DPY19L4: variants seen among roughly 807,000 people sequenced by gnomAD.
DPY19L4 encodes dpy-19 like 4, also known as probable C-mannosyltransferase DPY19L4.
Under a neutral mutation model 102.8 loss-of-function variants are expected in DPY19L4, and 97 were observed. That is an observed-to-expected ratio of 0.94 (90% CI 0.80 to 1.12). DPY19L4 has a LOEUF of 1.12. DPY19L4 is among the 50% of genes most tolerant of loss of function. The pLI is 0.00. For synonymous variants in DPY19L4, 252 were observed against 283.1 expected (o/e 0.89, Z 1.10); for missense variants, 815 against 850.4 (o/e 0.96, Z 0.52).
Position 94,756,051 on chromosome 8 carries a change from A to T in DPY19L4, c.627A>T (p.Arg209Ser), listed in dbSNP as rs1563593961. 3 of 1,612,028 alleles carry T rather than the reference A, an allele frequency of 1.9e-6. No homozygotes were observed. The highest frequency in any genetic ancestry group is 2.5e-6 in the Non-Finnish European group (3 of 1,179,706). Residue 209 changes from arginine (R) to serine (S), a missense_variant, in exon 7 of 19, where the codon AGA becomes AGT. Physicochemically the swap from Arg to Ser is moderately radical, Grantham distance 110. Transcript: ENST00000414645. ...WFVINRVDTT[R>S]IEYSIPLREN... ...TTTATTTTAGGGTAGATACAACAAG[A>T]ATTGAATACTCCATTCCTTTAAGAG...
intron 6 of DPY19L4, among the ~76,000 whole-genome samples, chr8:94,745,892 C>T (rs1052156208): frequency 6.6e-5 from 10 of 151,202 alleles, no homozygotes; most frequent in Admixed American, 4.6e-4. Flanking sequence ...GTAGCTGGGA[C>T]TACAGGCATG....
chr8:94,732,013 C>G (rs780675523), intron 2 of DPY19L4, among the ~76,000 whole-genome samples: 2 of 152,046 alleles, frequency 1.3e-5, no homozygotes, highest in Non-Finnish European at 2.9e-5. Context: ...TCTCGTGATC[C>G]GCCTGCCTCG....
chr8:94,738,403 G>GTAA lies in DPY19L4; in HGVS notation c.288_289insAAT (p.Ser96_Ala97insAsn). 1.9e-6 allele frequency: 3 copies of GTAA among 1,556,310 alleles called. No homozygotes were observed. Among genetic ancestry groups the GTAA allele is most frequent in the Non-Finnish European group, 2.6e-6 (3 of 1,153,348 alleles). On this transcript the variant is annotated inframe_insertion, in exon 4 of 19. Transcript: ENST00000414645. Reference sequence around the variant, plus strand: ...CGGGAAATCACGTTTCAGGGTGACAGTGCCATTTATTACTCCTATTATAAA... The same window carrying GTAA: ...CGGGAAATCACGTTTCAGGGTGACAGTAATGCCATTTATTACTCCTATTATAAA...
chr8:94,768,671 C>A, intron 12 of DPY19L4, 118 bp downstream of exon 12: 1 of 692,594 alleles, frequency 1.4e-6, no homozygotes, highest in Non-Finnish European at 2.1e-6. Context: ...TATTTCCATT[C>A]TCTTTTCATT....
intron 2 of DPY19L4, among the ~76,000 whole-genome samples, chr8:94,732,819 T>TTC (rs898950705): frequency 6.7e-6 from 1 of 148,792 alleles, no homozygotes; most frequent in Admixed American, 6.7e-5. Flanking sequence ...TTCTTTTTTT[T>TTC]TTTTTTTTTG....
intron 2 of DPY19L4, 34 bp downstream of exon 2, chr8:94,726,475 C>CA (rs760205503): frequency 1.5e-5 from 22 of 1,515,790 alleles, no homozygotes; most frequent in African/African-American, 1.4e-4. Context: ...TGTGCTACTA[C>CA]AAAAATAGTT....
At position 94,770,418 on chromosome 8, in the gene DPY19L4, T is replaced by C. The variant is rs963673416; in HGVS notation, c.1335-34T>C. 12 of 1,571,904 alleles carry C rather than the reference T, an allele frequency of 7.6e-6. No individual in the cohort carries two copies. The African/African-American group carries it at 1.5e-4, about 20-fold the overall frequency. The stretch of plus-strand genomic sequence containing the variant: ...TCTTTGGTTTTTTACAAATACATTT[T>C]CAAAGTATTAAAAAATACATTTTCT... On this transcript the variant is annotated intron_variant, in intron 12 of 18. Coordinates refer to ENST00000414645, the MANE Select transcript of DPY19L4 (RefSeq NM_181787.3).
rs1230345215 is a variant in DPY19L4, at chr8:94,793,542, ATTC to A, written c.*3638_*3640del. 1.3e-5 allele frequency: 2 copies of A among 152,190 alleles called. No individual in the cohort carries two copies. The highest frequency in any genetic ancestry group is 4.8e-5 in the African/African-American group (2 of 41,456). 9.4% of individuals were successfully genotyped at this position (152,190 alleles called of 1,614,324 possible). A position where few individuals can be genotyped will look rare whatever the true frequency, so the allele number is the denominator to read the frequency against. On this transcript the variant is annotated 3_prime_UTR_variant, in exon 19 of 19. Transcript: ENST00000414645. ...TACTTCCTGATTTACATCTCAATAT[ATTC>A]TTCTTTCATTTGCCCAATTTAAAAA...
At chr8:94,729,407 T>C (rs1357302313) in intron 2 of DPY19L4, among the ~76,000 whole-genome samples, 1 of 144,776 alleles carries the variant, frequency 6.9e-6, no homozygotes, top group Non-Finnish European at 1.5e-5. Flanking sequence ...ACTTAGGCAA[T>C]ATAGTGAGAC....
chr8:94,766,236 GT>G lies in DPY19L4; in HGVS notation c.1102-375del, dbSNP rs549871940. ...TAAAAATACAAAAAATTAGCTGGGC[GT>G]GGTGGCTTGCGCCTGTAATCCCAGC... On this transcript the variant is annotated intron_variant, in intron 10 of 18. Coordinates refer to ENST00000414645, the MANE Select transcript of DPY19L4 (RefSeq NM_181787.3). 9.7e-4 allele frequency among the ~76,000 whole-genome samples: 148 copies of G among 152,290 alleles called. 2 individuals are homozygous for G. Among genetic ancestry groups the G allele is most frequent in the South Asian group, 8.3e-4 (4 of 4,830 alleles).
At chr8:94,785,510 TGAAACTA>T (rs1394065078) in intron 17 of DPY19L4, among the ~76,000 whole-genome samples, 4 of 152,184 alleles carry the variant, frequency 2.6e-5, no homozygotes, top group Non-Finnish European at 5.9e-5. Context: ...TGTATAGTCT[TGAAACTA>T]GGAAAGAAAA....
intron 6 of DPY19L4, among the ~76,000 whole-genome samples, chr8:94,752,044 A>G (rs1197990248): frequency 1.3e-5 from 2 of 152,086 alleles, no homozygotes; most frequent in Admixed American, 1.3e-4. Context: ...TTGTGGGGAC[A>G]TATGCTTTCA....
rs562310709 is a variant in DPY19L4, at chr8:94,724,616, G to T, written c.17-1715G>T. ...TGTTTCGTTTTGTTTTTGAGACGGA[G>T]TCTCCCTCTGTCACCAGGCTAGAGT... On this transcript the variant is annotated intron_variant, in intron 1 of 18. Transcript: ENST00000414645. Among the ~76,000 whole-genome samples the T allele has an allele frequency of 7.9e-5, 12 of 152,114 alleles. 1 individual carries two copies. The South Asian group carries it at 2.5e-3, about 32-fold the overall frequency.
At position 94,772,362 on chromosome 8, in the gene DPY19L4, G is replaced by C. The variant is rs930986528; in HGVS notation, c.1454+1791G>C. On this transcript the variant is annotated intron_variant, in intron 13 of 18. Transcript: ENST00000414645. ...TGAGAGTCCCCCAAACTACCCTCAG[G>C]CTTGATAACTAACAAGGACTCACAG... Among the ~76,000 whole-genome samples, 3 of 152,264 alleles carry C rather than the reference G, an allele frequency of 2.0e-5. No homozygotes were observed. The East Asian group carries it at 5.8e-4, about 29-fold the overall frequency.
Position 94,789,932 on chromosome 8 carries a change from C to T in DPY19L4, c.*22C>T. On this transcript the variant is annotated 3_prime_UTR_variant, in exon 19 of 19. Coordinates refer to ENST00000414645, the MANE Select transcript of DPY19L4 (RefSeq NM_181787.3). ...TTGAAAAATAACAGAGCCTTCATTT[C>T]AAAGACTACCTGAAGTAAAATGCAG... 6.3e-7 allele frequency: 1 copy of T among 1,579,464 alleles called. No individual in the cohort carries two copies. The highest frequency in any genetic ancestry group is 8.6e-7 in the Non-Finnish European group (1 of 1,169,460).
intron 2 of DPY19L4, among the ~76,000 whole-genome samples, chr8:94,732,265 C>T (rs942517949): frequency 8.6e-5 from 13 of 151,958 alleles, no homozygotes; most frequent in African/African-American, 2.9e-4. Context: ...GTCAGTCATT[C>T]GGTAACAGAA....
intron 7 of DPY19L4, among the ~76,000 whole-genome samples, chr8:94,757,880 G>A (rs1293109534): frequency 6.6e-6 from 1 of 152,110 alleles, no homozygotes; most frequent in East Asian, 1.9e-4. Flanking sequence ...GGAGGCTGAG[G>A]CAGGCAAATC....
intron 1 of DPY19L4, among the ~76,000 whole-genome samples, chr8:94,725,471 T>C (rs1810646164): frequency 6.6e-6 from 1 of 152,154 alleles, no homozygotes; most frequent in South Asian, 2.1e-4. Flanking sequence ...TCCTGGGAAA[T>C]TATTTTGAGA....
chr8:94,722,658 CCTGT>C (rs1454048694), intron 1 of DPY19L4, among the ~76,000 whole-genome samples: 6 of 152,020 alleles, frequency 3.9e-5, no homozygotes, highest in Admixed American at 1.3e-4. Flanking sequence ...ATATAGCAAA[CCTGT>C]CTGTCTATGT....
Sources: gnomAD v4.1 joint callset for allele counts (sites outside exome capture counted in the v4.1 genomes callset) on GRCh38, gnomAD v4.1.1 for gene constraint, MANE v1.5 for transcripts, NCBI Gene and HGNC (gene_info 2026-07-23, HGNC 2026-07-21) for gene names.